The following SYN3 variants were observed in gnomAD, a reference collection of about 807,000 sequenced individuals.
SYN3 encodes the protein synapsin-3.
In SYN3, 35 loss-of-function variants were observed where a neutral mutation model predicts 65.8. The ratio of observed to expected loss-of-function variants is 0.53; its 90% CI spans 0.41 to 0.70. The LOEUF is 0.70. SYN3 is among the 30% of genes least tolerant of loss of function. The pLI, the probability that SYN3 is intolerant of heterozygous loss-of-function variation, is 0.00. For synonymous variants in SYN3, 270 were observed against 292.9 expected (o/e 0.92, Z 0.80); for missense variants, 680 against 749.0 (o/e 0.91, Z 1.08).
chr22:32,639,494 G>A (rs77809965), intron 6 of SYN3, among the ~76,000 whole-genome samples: 1,585 of 152,104 alleles, frequency 0.01, 27 homozygotes, highest in African/African-American at 0.037. Context: ...TTTTGGTTAC[G>A]GTAGCCTCTT....
intron 1 of SYN3, among the ~76,000 whole-genome samples, chr22:33,021,784 ATT>A (rs57313381): frequency 0.24 from 33,478 of 141,524 alleles, 3,487 homozygotes; most frequent in Non-Finnish European, 0.25. Flanking sequence ...ACTGTAACTT[ATT>A]TTTTTTTTTT....
intron 2 of SYN3, among the ~76,000 whole-genome samples, chr22:33,003,502 A>G (rs988528748): frequency 6.6e-6 from 1 of 152,102 alleles, no homozygotes; most frequent in African/African-American, 2.4e-5. Flanking sequence ...CTTTTTGGGA[A>G]CTGGAGTAAA....
chr22:32,614,033 T>C (rs980428739), intron 6 of SYN3, among the ~76,000 whole-genome samples: 2 of 152,188 alleles, frequency 1.3e-5, no homozygotes, highest in Non-Finnish European at 2.9e-5. Context: ...GTTCTGCATT[T>C]GTGAATAGGG....
chr22:32,740,339 C>A (rs1175551398), intron 6 of SYN3, among the ~76,000 whole-genome samples: 1 of 152,128 alleles, frequency 6.6e-6, no homozygotes, highest in African/African-American at 2.4e-5. Flanking sequence ...GGCACATCAA[C>A]AGATGATTAC....
intron 6 of SYN3, among the ~76,000 whole-genome samples, chr22:32,662,356 A>G (rs960606976): frequency 2.6e-5 from 4 of 152,090 alleles, no homozygotes; most frequent in African/African-American, 9.7e-5. Flanking sequence ...ATCATTCCTG[A>G]GCTACAGACG....
intron 6 of SYN3, among the ~76,000 whole-genome samples, chr22:32,645,263 C>T (rs557460282): frequency 5.3e-5 from 8 of 152,062 alleles, no homozygotes; most frequent in Non-Finnish European, 8.8e-5. Context: ...ACCAGCCTGA[C>T]CAACATGGAG....
At chr22:32,543,671 A>C (rs1436413644) in intron 7 of SYN3, among the ~76,000 whole-genome samples, 4 of 152,086 alleles carry the variant, frequency 2.6e-5, no homozygotes, top group African/African-American at 9.7e-5. Context: ...CTCCTCAGCC[A>C]GAGATTACTT....
chr22:32,821,649 G>A (rs1002375239), intron 6 of SYN3, among the ~76,000 whole-genome samples: 1 of 152,206 alleles, frequency 6.6e-6, no homozygotes, highest in Non-Finnish European at 1.5e-5. Context: ...CCAGAGAAGC[G>A]AAGCCCTTTC....
chr22:32,979,570 C>A (rs565490516), intron 3 of SYN3, among the ~76,000 whole-genome samples: 3 of 152,284 alleles, frequency 2.0e-5, no homozygotes, highest in African/African-American at 7.2e-5. Context: ...ATTTTGAAAT[C>A]ATTTTTACAG....
In SYN3 at chr22:32,533,856, G is replaced by T. The variant is rs570170295; in HGVS notation, c.1032C>A (p.Gly344=). 3 of 1,613,688 alleles carry T rather than the reference G, an allele frequency of 1.9e-6. No homozygotes were observed. The highest frequency in any genetic ancestry group is 1.6e-4 in the Middle Eastern group (1 of 6,082). Residue 344 remains glycine, a synonymous_variant, in exon 10 of 14, where the codon GGC becomes GGA. Transcript: ENST00000358763. ...LWVDSCSEMF[G]GLDICAVKAV... is the part of the protein sequence containing the mutation. ...CCTTGACGGCACAGATGTCCAGGCCGCCAAACATTTCCGAGCAGCTGTCCA... is the reference window on the plus strand; with the variant it reads ...CCTTGACGGCACAGATGTCCAGGCCTCCAAACATTTCCGAGCAGCTGTCCA...
At chr22:32,925,650 C>T (rs2050447927) in intron 4 of SYN3, among the ~76,000 whole-genome samples, 1 of 152,146 alleles carries the variant, frequency 6.6e-6, no homozygotes, top group South Asian at 2.1e-4. Context: ...CGTCCTGCCT[C>T]AGTGCAGGGC....
intron 3 of SYN3, among the ~76,000 whole-genome samples, chr22:32,965,989 C>T (rs376804250): frequency 1.3e-5 from 2 of 152,166 alleles, no homozygotes; most frequent in Admixed American, 1.3e-4. Context: ...CCACCGCGCC[C>T]GGCCAGATTC....
chr22:32,732,120 C>T (rs2061278669), intron 6 of SYN3, among the ~76,000 whole-genome samples: 1 of 152,158 alleles, frequency 6.6e-6, no homozygotes, highest in Admixed American at 6.5e-5. Flanking sequence ...ATGCAAGCAC[C>T]TTCACTTGCT....
At chr22:32,753,580 T>G (rs1219831959) in intron 6 of SYN3, among the ~76,000 whole-genome samples, 4 of 152,256 alleles carry the variant, frequency 2.6e-5, no homozygotes, top group African/African-American at 9.6e-5. Context: ...GAAAAGTCCC[T>G]ATTTCTGGCT....
At chr22:32,735,575 C>T (rs966894306) in intron 6 of SYN3, among the ~76,000 whole-genome samples, 38 of 152,152 alleles carry the variant, frequency 2.5e-4, no homozygotes, top group Non-Finnish European at 2.9e-4. Flanking sequence ...CAAATCCAGC[C>T]CTGGAATTTG....
At chr22:32,667,798 C>CTT (rs759464712) in intron 6 of SYN3, among the ~76,000 whole-genome samples, 4 of 139,130 alleles carry the variant, frequency 2.9e-5, no homozygotes, top group Non-Finnish European at 4.7e-5. Flanking sequence ...TTCTTTCTTT[C>CTT]TTTTTTTTTT....
At chr22:32,593,178 A>G (rs1356719145) in intron 7 of SYN3, among the ~76,000 whole-genome samples, 1 of 152,102 alleles carries the variant, frequency 6.6e-6, no homozygotes, top group Non-Finnish European at 1.5e-5. Context: ...CTCATTCCAA[A>G]CATAAGGAGA....
chr22:32,910,690 T>C (rs145305970), intron 4 of SYN3, among the ~76,000 whole-genome samples: 1,722 of 149,042 alleles, frequency 0.012, 17 homozygotes, highest in Middle Eastern at 0.031. Flanking sequence ...AAAATCACAA[T>C]TATGTTTGCA....
At chr22:32,891,220 TG>T (rs1354582018) in intron 4 of SYN3, among the ~76,000 whole-genome samples, 1 of 152,118 alleles carries the variant, frequency 6.6e-6, no homozygotes, top group Non-Finnish European at 1.5e-5. Context: ...GTTGGCCATC[TG>T]GGGGGGTCAA....
Sources: allele counts gnomAD v4.1 joint callset (sites outside exome capture counted in the v4.1 genomes callset), GRCh38; gene constraint gnomAD v4.1.1; transcripts MANE v1.5; gene names NCBI Gene and HGNC (gene_info 2026-07-23, HGNC 2026-07-21).